The following GNAQ variants were observed in gnomAD, a reference collection of about 807,000 sequenced individuals.
GNAQ encodes guanine nucleotide-binding protein G(q) subunit alpha.
GNAQ carries 8 observed loss-of-function variants against 43.9 expected under a neutral mutation model. The observed-to-expected ratio is 0.18, with a 90% CI of 0.11 to 0.33. The LOEUF (loss-of-function observed/expected upper bound fraction) is 0.33. Ranked by LOEUF, GNAQ falls within the 10% of genes least tolerant of loss-of-function variation. GNAQ has a pLI of 1.00. For missense variants in GNAQ, 158 were observed against 450.8 expected (o/e 0.35, Z 5.88); for synonymous variants, 155 against 170.7 (o/e 0.91, Z 0.71).
At chr9:77,839,540 G>A (rs541744489) in intron 2 of GNAQ, among the ~76,000 whole-genome samples, 6 of 152,292 alleles carry the variant, frequency 3.9e-5, no homozygotes, top group Non-Finnish European at 7.4e-5. Context: ...AAAAGGTAAC[G>A]TTCTGCATTC....
At chr9:77,905,412 T>G (rs1448690215) in intron 2 of GNAQ, among the ~76,000 whole-genome samples, 1 of 152,186 alleles carries the variant, frequency 6.6e-6, no homozygotes, top group East Asian at 1.9e-4. Context: ...CTCAGGTGTC[T>G]GCATGGTAAT....
intron 1 of GNAQ, among the ~76,000 whole-genome samples, chr9:78,021,347 T>C (rs1046567032): frequency 1.3e-5 from 2 of 152,190 alleles, no homozygotes; most frequent in Admixed American, 6.5e-5. Flanking sequence ...TTAAGGTTTC[T>C]CTGATCATGG....
At chr9:77,855,729 TACCTACCAATAAAAATGCAATAAA>T (rs1485587807) in intron 2 of GNAQ, among the ~76,000 whole-genome samples, 1 of 151,904 alleles carries the variant, frequency 6.6e-6, no homozygotes, top group East Asian at 1.9e-4. Flanking sequence ...TCAGTTTCAC[TACCTACCAATAAAAATGCAATAAA>T]ATGAACTCTC....
At chr9:77,781,681 C>T (rs1826395642) in intron 5 of GNAQ, among the ~76,000 whole-genome samples, 2 of 151,936 alleles carry the variant, frequency 1.3e-5, no homozygotes, top group African/African-American at 4.8e-5. Context: ...TGGGATTTAT[C>T]CTAGGTATGC....
chr9:77,938,746 G>A (rs1829270409), intron 1 of GNAQ, among the ~76,000 whole-genome samples: 2 of 152,190 alleles, frequency 1.3e-5, no homozygotes, highest in Non-Finnish European at 2.9e-5. Flanking sequence ...GAAGCTGATA[G>A]GCCACTTTTA....
intron 2 of GNAQ, among the ~76,000 whole-genome samples, chr9:77,921,241 CAA>C (rs1258116749): frequency 6.6e-6 from 1 of 152,196 alleles, no homozygotes; most frequent in Non-Finnish European, 1.5e-5. Flanking sequence ...TTGAAGACAA[CAA>C]AGACATTTCT....
At chr9:77,850,671 C>T (rs1827661189) in intron 2 of GNAQ, among the ~76,000 whole-genome samples, 1 of 152,172 alleles carries the variant, frequency 6.6e-6, no homozygotes. Context: ...TCTTAGCAGT[C>T]ACTCAGACCT....
chr9:77,982,713 C>T (rs909090168), intron 1 of GNAQ, among the ~76,000 whole-genome samples: 8 of 146,780 alleles, frequency 5.5e-5, no homozygotes, highest in African/African-American at 1.8e-4. Flanking sequence ...CTACCTGTAT[C>T]GAACTGTTGA....
At chr9:77,978,297 T>C (rs779102515) in intron 1 of GNAQ, among the ~76,000 whole-genome samples, 2 of 152,210 alleles carry the variant, frequency 1.3e-5, no homozygotes, top group Non-Finnish European at 2.9e-5. Flanking sequence ...CTATTTTGTC[T>C]CTAGTTTTCT....
intron 2 of GNAQ, among the ~76,000 whole-genome samples, chr9:77,845,147 A>T (rs2117898821): frequency 6.6e-6 from 1 of 152,268 alleles, no homozygotes; most frequent in East Asian, 1.9e-4. Context: ...AGAACTGGAG[A>T]TTTTAAAAAC....
At chr9:77,913,588 G>C (rs576764458) in intron 2 of GNAQ, among the ~76,000 whole-genome samples, 51 of 152,270 alleles carry the variant, frequency 3.3e-4, no homozygotes, top group Admixed American at 8.5e-4. Flanking sequence ...GGAATTACAA[G>C]TTAACAACGT....
chr9:77,949,145 G>A (rs1483468298), intron 1 of GNAQ, among the ~76,000 whole-genome samples: 1 of 152,110 alleles, frequency 6.6e-6, no homozygotes, highest in Admixed American at 6.5e-5. Context: ...TTAAATACCT[G>A]GCCTGAACCC....
chr9:77,867,817 A>G (rs1481988470), intron 2 of GNAQ, among the ~76,000 whole-genome samples: 2 of 152,262 alleles, frequency 1.3e-5, no homozygotes, highest in African/African-American at 4.8e-5. Flanking sequence ...TCCCAATCAT[A>G]GTATTATGGA....
chr9:77,929,838 A>C (rs1452960756), intron 1 of GNAQ, among the ~76,000 whole-genome samples: 1 of 152,146 alleles, frequency 6.6e-6, no homozygotes, highest in Non-Finnish European at 1.5e-5. Context: ...ACACACACAA[A>C]AATTTTTTTT....
At chr9:77,728,782 T>A (rs750966641) in intron 5 of GNAQ, 115 bp from the exon 6 acceptor site, 9 of 697,058 alleles carry the variant, frequency 1.3e-5, no homozygotes, top group African/African-American at 1.1e-4. Context: ...CCAGTTTTTG[T>A]AGCCCTGTGT....
intron 2 of GNAQ, among the ~76,000 whole-genome samples, chr9:77,847,290 C>A (rs1346013676): frequency 6.6e-6 from 1 of 152,134 alleles, no homozygotes; most frequent in Non-Finnish European, 1.5e-5. Context: ...TTCAGAAAGC[C>A]GGAAACGCTA....
At chr9:78,016,944 T>C (rs1421852085) in intron 1 of GNAQ, among the ~76,000 whole-genome samples, 1 of 152,182 alleles carries the variant, frequency 6.6e-6, no homozygotes, top group Non-Finnish European at 1.5e-5. Context: ...CTGTTATGTG[T>C]TGTGTTACGT....
chr9:77,739,556 T>C (rs1587891724), intron 5 of GNAQ, among the ~76,000 whole-genome samples: 1 of 152,244 alleles, frequency 6.6e-6, no homozygotes, highest in Non-Finnish European at 1.5e-5. Context: ...ATTTCTAAGA[T>C]TGACCTTTCC....
intron 2 of GNAQ, among the ~76,000 whole-genome samples, chr9:77,840,371 A>ACGGAGT (rs199822649): frequency 1.5e-5 from 2 of 137,178 alleles, no homozygotes; most frequent in African/African-American, 2.6e-5. Context: ...TTTTTTTTAG[A>ACGGAGT]CGGAGTCGGA....
Sources: gnomAD v4.1 joint callset for allele counts (sites outside exome capture counted in the v4.1 genomes callset) on GRCh38, gnomAD v4.1.1 for gene constraint, MANE v1.5 for transcripts, NCBI Gene and HGNC (gene_info 2026-07-23, HGNC 2026-07-21) for gene names.